SV2C: variants seen among roughly 807,000 people sequenced by gnomAD.
SV2C encodes synaptic vesicle glycoprotein 2C.
A neutral mutation model predicts 79.7 loss-of-function variants in SV2C; 49 were observed. The observed-to-expected ratio is 0.61, with a 90% CI of 0.49 to 0.78. The LOEUF is 0.78. Among genes scored for constraint, SV2C ranks in the 30% least tolerant of loss-of-function variants. SV2C has a pLI of 0.00. For missense variants in SV2C, 833 were observed against 912.9 expected, an observed-to-expected ratio of 0.91 and a Z score of 1.13; for synonymous variants, 334 against 333.2, an observed-to-expected ratio of 1.00 and a Z score of -0.03.
the SV2C span, among the ~76,000 whole-genome samples, chr5:75,945,981 G>T: frequency 5.6e-3 from 846 of 152,004 alleles, 3 homozygotes; most frequent in Non-Finnish European, 9.0e-3. Context: ...AAAAAAGAAA[G>T]ATCTCAAATT....
At chr5:76,171,743 C>CCT (rs1743274179) in intron 2 of SV2C, among the ~76,000 whole-genome samples, 3 of 133,002 alleles carry the variant, frequency 2.3e-5, no homozygotes, top group Non-Finnish European at 5.0e-5. Flanking sequence ...CCAGCCGTGC[C>CCT]GTCCGGGAGG....
chr5:76,097,006 T>C (rs1330144395), intron 1 of SV2C, among the ~76,000 whole-genome samples: 1 of 152,140 alleles, frequency 6.6e-6, no homozygotes, highest in African/African-American at 2.4e-5. Context: ...TTTATATCCA[T>C]ATGCATCCTT....
intron 4 of SV2C, among the ~76,000 whole-genome samples, chr5:76,275,837 C>T (rs555923316): frequency 6.6e-6 from 1 of 152,318 alleles, no homozygotes; most frequent in South Asian, 2.1e-4. Context: ...CTTATATTAT[C>T]TGTAGATAAA....
chr5:76,049,291 C>G, the SV2C span, among the ~76,000 whole-genome samples: 3 of 145,650 alleles, frequency 2.1e-5, no homozygotes, highest in Non-Finnish European at 4.5e-5. Flanking sequence ...GAGCTGAGAT[C>G]GCGCCACTGC....
chr5:76,009,991 G>GTTT, the SV2C span, among the ~76,000 whole-genome samples: 117 of 112,632 alleles, frequency 1.0e-3, 1 homozygote, highest in African/African-American at 1.8e-3. Context: ...TATCTATTTT[G>GTTT]TTTTTTTTTT....
At chr5:76,145,699 C>G (rs13170945) in intron 2 of SV2C, among the ~76,000 whole-genome samples, 17,012 of 152,196 alleles carry the variant, frequency 0.11, 1,049 homozygotes, top group Non-Finnish European at 0.14. Context: ...CAAGATCTTT[C>G]AGTGGGGATG....
the SV2C span, among the ~76,000 whole-genome samples, chr5:75,903,035 T>G: frequency 6.6e-6 from 1 of 152,188 alleles, no homozygotes. Context: ...TTTTTATTTT[T>G]CAGTTAAGAA....
chr5:76,105,301 A>G (rs1415520287), intron 1 of SV2C, among the ~76,000 whole-genome samples: 1 of 152,136 alleles, frequency 6.6e-6, no homozygotes, highest in South Asian at 2.1e-4. Context: ...CTTCCACACT[A>G]TCAGAGGACA....
the SV2C span, among the ~76,000 whole-genome samples, chr5:75,851,715 A>G: frequency 6.6e-6 from 1 of 151,816 alleles, no homozygotes; most frequent in African/African-American, 2.4e-5. Context: ...ATCTCGGCTC[A>G]CTGCAAGCTC....
intron 4 of SV2C, among the ~76,000 whole-genome samples, chr5:76,211,001 A>C (rs780828913): frequency 7.2e-5 from 11 of 152,058 alleles, no homozygotes; most frequent in Non-Finnish European, 1.5e-4. Flanking sequence ...CTCCTACCCT[A>C]AGTAGAGGTG....
intron 2 of SV2C, among the ~76,000 whole-genome samples, chr5:76,190,650 A>G (rs539901056): frequency 1.3e-5 from 2 of 152,326 alleles, no homozygotes; most frequent in African/African-American, 4.8e-5. Context: ...TCCAAAGACT[A>G]GGGTTTGGTC....
intron 4 of SV2C, among the ~76,000 whole-genome samples, chr5:76,264,660 G>T (rs541354591): frequency 2.0e-5 from 3 of 152,280 alleles, no homozygotes; most frequent in African/African-American, 7.2e-5. Flanking sequence ...ACTGCTGTCT[G>T]TTTGTTAGTT....
At chr5:76,041,306 C>A in the SV2C span, among the ~76,000 whole-genome samples, 1 of 152,214 alleles carries the variant, frequency 6.6e-6, no homozygotes, top group Admixed American at 6.5e-5. Flanking sequence ...CAGTCAGCTC[C>A]TTCTCTTCTC....
chr5:76,250,669 T>C (rs1746084454), intron 4 of SV2C, among the ~76,000 whole-genome samples: 1 of 152,198 alleles, frequency 6.6e-6, no homozygotes, highest in Admixed American at 6.5e-5. Flanking sequence ...CTGAGAAGGG[T>C]CTCCGCTCCT....
At chr5:75,875,154 G>A in the SV2C span, among the ~76,000 whole-genome samples, 14 of 152,278 alleles carry the variant, frequency 9.2e-5, no homozygotes, top group East Asian at 2.7e-3. Context: ...CATAGCTGGA[G>A]CCATCACATT....
At chr5:76,064,143 G>A in the SV2C span, among the ~76,000 whole-genome samples, 84 of 152,262 alleles carry the variant, frequency 5.5e-4, no homozygotes, top group East Asian at 3.9e-4. Context: ...ATAAGCCCTC[G>A]CTGCTGCACA....
the SV2C span, chr5:76,075,645 C>T: frequency 3.6e-6 from 1 of 276,240 alleles, no homozygotes; most frequent in Non-Finnish European, 7.6e-6. Flanking sequence ...GGCAGATCCA[C>T]ACTTAGATGG....
chr5:75,975,592 G>T, the SV2C span, among the ~76,000 whole-genome samples: 2 of 152,196 alleles, frequency 1.3e-5, no homozygotes, highest in Admixed American at 1.3e-4. Flanking sequence ...ATACACTTCA[G>T]AGAGGGATTA....
At chr5:76,168,728 A>C (rs973941578) in intron 2 of SV2C, among the ~76,000 whole-genome samples, 2 of 152,204 alleles carry the variant, frequency 1.3e-5, no homozygotes, top group Non-Finnish European at 1.5e-5. Context: ...ATTTTCTCGT[A>C]AAATATAAAA....
Sources: gnomAD v4.1 joint callset for allele counts (sites outside exome capture counted in the v4.1 genomes callset) on GRCh38, gnomAD v4.1.1 for gene constraint, MANE v1.5 for transcripts, NCBI Gene and HGNC (gene_info 2026-07-23, HGNC 2026-07-21) for gene names.